The following PKD1L1 variants were observed in gnomAD, a reference collection of about 807,000 sequenced individuals.
The protein encoded by PKD1L1 is polycystin-1-like protein 1.
A neutral mutation model predicts 323.4 loss-of-function variants in PKD1L1; 236 were observed. That is an observed-to-expected ratio of 0.73 (90% confidence interval 0.66 to 0.81). PKD1L1 has a LOEUF of 0.81. Ranked by LOEUF, PKD1L1 falls within the 40% of genes least tolerant of loss-of-function variation. The pLI, the probability that PKD1L1 is intolerant of heterozygous loss-of-function variation, is 0.00. For synonymous variants in PKD1L1, 1,344 were observed against 1,335.0 expected (o/e 1.01, Z -0.15); for missense variants, 3,320 against 3,508.0 (o/e 0.95, Z 1.35).
chr7:47,959,542 T>C, the PKD1L1 span, among the ~76,000 whole-genome samples: 1 of 147,254 alleles, frequency 6.8e-6, no homozygotes, highest in South Asian at 2.2e-4. Flanking sequence ...GGAGCGTCTC[T>C]GCCCAGCCGC....
Position 47,840,342 on chromosome 7 carries a change from C to G in PKD1L1, c.5552+119G>C. The G allele has an allele frequency of 1.6e-6, 1 of 643,982 alleles. No homozygotes were observed. The highest frequency in any genetic ancestry group is 2.7e-6 in the Non-Finnish European group (1 of 367,408). 39.9% of individuals were successfully genotyped at this position (643,982 alleles called of 1,614,324 possible). A position where few individuals can be genotyped will look rare whatever the true frequency, so the allele number is the denominator to read the frequency against. ...ATCATAAAATTGTTTGTATATAAAT[C>G]GATGCTCACTATTAGAGACCAATGT... On this transcript the variant is annotated intron_variant, in intron 35 of 56. Coordinates refer to ENST00000289672, the MANE Select transcript of PKD1L1 (RefSeq NM_138295.5). The surrounding 1 kb of genome is among the most constrained non-coding windows in gnomAD (Gnocchi z 4.1).
chr7:47,920,555 T>C (rs543977601), intron 7 of PKD1L1, among the ~76,000 whole-genome samples: 65 of 152,244 alleles, frequency 4.3e-4, no homozygotes, highest in African/African-American at 1.5e-3. Context: ...AAAATTCATA[T>C]GGAACCAAAA....
Position 47,853,138 on chromosome 7 carries a change from G to A in PKD1L1, c.4949C>T (p.Ala1650Val), listed in dbSNP as rs140431400. 5.5e-5 allele frequency: 88 copies of A among 1,610,252 alleles called. No individual in the cohort carries two copies. The African/African-American group carries it at 8.8e-4, about 16-fold the overall frequency. The change falls in exon 31 of 57, where the codon GCT becomes GTT. Residue 1650 changes from alanine (A) to valine (V), a missense_variant. By Grantham distance (64) the Ala-to-Val change is moderately conservative. Transcript: ENST00000289672. ...CCCTGTTCACTGACCTTTCTGAGAA[G>A]CAGCAGGTATATAAATCTGCACAAT... is the stretch of plus-strand genomic sequence containing the variant. ...ESIVQIYIPA[A>V]SQKDASVGYL...
chr7:47,879,224 G>C (rs1441181433), intron 21 of PKD1L1, among the ~76,000 whole-genome samples: 1 of 152,122 alleles, frequency 6.6e-6, no homozygotes, highest in Non-Finnish European at 1.5e-5. Context: ...AGTGAACCTC[G>C]GGTTTCCCAC....
At chr7:47,796,520 G>A (rs866934679) in intron 54 of PKD1L1, among the ~76,000 whole-genome samples, 2 of 152,196 alleles carry the variant, frequency 1.3e-5, no homozygotes, top group Non-Finnish European at 2.9e-5. Context: ...AGAGAGGCCT[G>A]TGCCTGTGCC....
upstream of PKD1L1, among the ~76,000 whole-genome samples, chr7:47,953,352 T>A (rs1463857379): frequency 6.6e-6 from 1 of 151,730 alleles, no homozygotes; most frequent in East Asian, 1.9e-4. Context: ...AGGTGTCCTT[T>A]CGTCTGGAGT....
At chr7:47,873,255 G>A (rs150499338) in intron 24 of PKD1L1, among the ~76,000 whole-genome samples, 1,698 of 152,240 alleles carry the variant, frequency 0.011, 15 homozygotes, top group Non-Finnish European at 0.019. Context: ...TATGGTGAAG[G>A]CTGTATAATT....
At chr7:47,891,230 AG>A (rs1391542521) in intron 15 of PKD1L1, among the ~76,000 whole-genome samples, 1 of 152,206 alleles carries the variant, frequency 6.6e-6, no homozygotes, top group Non-Finnish European at 1.5e-5. Flanking sequence ...GTTTCCCTGT[AG>A]CACAGCTAGT....
chr7:47,949,861 A>G (rs1788178212), upstream of PKD1L1, among the ~76,000 whole-genome samples: 5 of 152,106 alleles, frequency 3.3e-5, no homozygotes, highest in Admixed American at 3.3e-4. Flanking sequence ...TTTGCTGCCA[A>G]TGAGGTGAGT....
chr7:47,832,593 G>C (rs1001558949), intron 41 of PKD1L1, among the ~76,000 whole-genome samples: 1 of 152,142 alleles, frequency 6.6e-6, no homozygotes, highest in Non-Finnish European at 1.5e-5. Context: ...GTGGCTCTAG[G>C]ATCCCAAAGC....
At chr7:47,959,351 G>C in the PKD1L1 span, among the ~76,000 whole-genome samples, 1 of 148,606 alleles carries the variant, frequency 6.7e-6, no homozygotes, top group South Asian at 2.2e-4. Flanking sequence ...GTCTCTGCCC[G>C]GCCGCCATCC....
chr7:47,822,594 CA>C (rs745820560), intron 45 of PKD1L1, among the ~76,000 whole-genome samples: 1,485 of 71,336 alleles, frequency 0.021, 3 homozygotes, highest in African/African-American at 0.052. Flanking sequence ...GACTCCGTCT[CA>C]AAAAAAAAAA....
intron 12 of PKD1L1, among the ~76,000 whole-genome samples, chr7:47,903,424 G>A (rs762393356): frequency 4.6e-5 from 7 of 152,092 alleles, no homozygotes; most frequent in African/African-American, 9.7e-5. Context: ...CGAGTATATC[G>A]CCAGGTACCT....
intron 16 of PKD1L1, 140 bp from the exon 17 acceptor site, chr7:47,888,290 A>G: frequency 1.2e-6 from 1 of 825,606 alleles, no homozygotes; most frequent in Non-Finnish European, 1.9e-6. Context: ...CACAGCACAT[A>G]TGATGGCACA....
chr7:47,788,664 C>T (rs947883827), intron 56 of PKD1L1, among the ~76,000 whole-genome samples: 3 of 150,244 alleles, frequency 2.0e-5, no homozygotes, highest in Admixed American at 6.6e-5. Context: ...GGTGCAATCT[C>T]GGCTCACAGC....
Position 47,884,586 on chromosome 7 carries a change from A to C in PKD1L1, c.3265+12T>G, listed in dbSNP as rs1221910415. ...GAGTGGAGAGAGGCAGCAGGCATAG[A>C]AGCACAGTCACCTGGCTGTCTTCCT... is the stretch of plus-strand genomic sequence containing the variant. On this transcript the variant is annotated intron_variant, in intron 19 of 56. Transcript: ENST00000289672. The C allele has an allele frequency of 6.2e-7, 1 of 1,612,632 alleles. No individual in the cohort carries two copies. Among genetic ancestry groups the C allele is most frequent in the Non-Finnish European group, 8.5e-7 (1 of 1,178,786 alleles).
intron 19 of PKD1L1, 104 bp from the exon 20 acceptor site, chr7:47,882,189 C>CCG: frequency 1.8e-6 from 1 of 555,128 alleles, no homozygotes. Flanking sequence ...TGTACTATTG[C>CCG]TGGATACCGC....
intron 3 of PKD1L1, among the ~76,000 whole-genome samples, chr7:47,938,109 G>A (rs1483531292): frequency 6.6e-6 from 1 of 152,172 alleles, no homozygotes; most frequent in Non-Finnish European, 1.5e-5. Context: ...TCTGGCTCTT[G>A]AGAGAGCTGT....
At chr7:47,834,178 A>C (rs1785407420) in intron 40 of PKD1L1, among the ~76,000 whole-genome samples, 161 bp downstream of exon 40, 1 of 152,198 alleles carries the variant, frequency 6.6e-6, no homozygotes, top group South Asian at 2.1e-4. Context: ...GACGGCCCCC[A>C]GCCAGCACAA....
Sources: allele counts gnomAD v4.1 joint callset (sites outside exome capture counted in the v4.1 genomes callset), GRCh38; gene constraint gnomAD v4.1.1; non-coding constraint Gnocchi (gnomAD v3.1); transcripts MANE v1.5; gene names NCBI Gene and HGNC (gene_info 2026-07-23, HGNC 2026-07-21).